The following UBR4 variants were observed in gnomAD, a reference collection of about 807,000 sequenced individuals.
UBR4 encodes the protein E3 ubiquitin-protein ligase UBR4.
In UBR4, 124 loss-of-function variants were observed where a neutral mutation model predicts 575.6. The observed-to-expected ratio is 0.22, with a 90% CI of 0.19 to 0.25. The LOEUF is 0.25. UBR4 is among the 10% of genes least tolerant of loss of function. UBR4 has a pLI of 1.00. For missense variants in UBR4, 4,818 were observed against 6,478.8 expected, an observed-to-expected ratio of 0.74 and a Z score of 8.80; for synonymous variants, 2,455 against 2,473.7, an observed-to-expected ratio of 0.99 and a Z score of 0.22.
Position 19,192,513 on chromosome 1 carries a change from C to T in UBR4, c.1171G>A (p.Ala391Thr), listed in dbSNP as rs1451389536. ...CLEIYDMIGQAISSSRRAGGE... is the reference protein window; with the variant it reads ...CLEIYDMIGQTISSSRRAGGE... ...CCAGCCCGGCGAGAACTGCTGATTG[C>T]TTGTCCAATCATGTCATAGATTTCG... is the stretch of plus-strand genomic sequence containing the variant. Residue 391 changes from alanine (A) to threonine (T), a missense_variant, in exon 10 of 106, where the codon GCA becomes ACA. Transcript: ENST00000375254. 3 of 1,613,984 alleles carry T rather than the reference C, an allele frequency of 1.9e-6. No individual in the cohort carries two copies. Among genetic ancestry groups the T allele is most frequent in the African/African-American group, 2.7e-5 (2 of 74,922 alleles).
At chr1:19,148,282 A>T (rs555935335) in intron 50 of UBR4, among the ~76,000 whole-genome samples, 155 bp from the exon 51 acceptor site, 137 of 152,252 alleles carry the variant, frequency 9.0e-4, no homozygotes, top group African/African-American at 3.2e-3. Flanking sequence ...TTCAGAAATT[A>T]TAATCCTCCT....
At chr1:19,207,163 G>C (rs1304016196) in intron 1 of UBR4, among the ~76,000 whole-genome samples, 2 of 152,204 alleles carry the variant, frequency 1.3e-5, no homozygotes, top group Non-Finnish European at 2.9e-5. Flanking sequence ...GCAGAAGATG[G>C]GAGTGGCAAC....
intron 11 of UBR4, among the ~76,000 whole-genome samples, chr1:19,191,582 G>T (rs763219172): frequency 1.6e-4 from 24 of 152,214 alleles, no homozygotes; most frequent in African/African-American, 4.1e-4. Context: ...TAATAGATTT[G>T]TTCATTGTTT....
At chr1:19,162,741 GT>G in intron 34 of UBR4, 130 bp from the exon 35 acceptor site, 2 of 1,170,324 alleles carry the variant, frequency 1.7e-6, no homozygotes, top group Non-Finnish European at 2.3e-6. Context: ...AAAACAGTGT[GT>G]TTTTATTTAT....
At chr1:19,115,840 T>C (rs2080456475) in intron 73 of UBR4, among the ~76,000 whole-genome samples, 1 of 152,210 alleles carries the variant, frequency 6.6e-6, no homozygotes, top group Non-Finnish European at 1.5e-5. Flanking sequence ...GGAAAGAACA[T>C]ACAAGTGCTT....
chr1:19,091,708 G>GAAATGTA (rs916356613), intron 97 of UBR4, among the ~76,000 whole-genome samples: 1 of 152,220 alleles, frequency 6.6e-6, no homozygotes, highest in African/African-American at 2.4e-5. Context: ...CATTTCCGGT[G>GAAATGTA]AAATGTAAAA....
chr1:19,114,304 T>C lies in UBR4; in HGVS notation c.11203-234A>G, dbSNP rs148939303. On this transcript the variant is annotated intron_variant, in intron 75 of 105. Coordinates refer to ENST00000375254, the MANE Select transcript of UBR4 (RefSeq NM_020765.3). ...ATACAATGCTGAGAGAAGTAACTTA[T>C]ACTAGGTTACACAAGTATTAAAAGT... 8.5e-3 allele frequency among the ~76,000 whole-genome samples: 1,290 copies of C among 152,368 alleles called. 13 individuals are homozygous for C. Among genetic ancestry groups the C allele is most frequent in the African/African-American group, 0.029 (1,224 of 41,584 alleles).
In UBR4 at chr1:19,190,312, A is replaced by AAT. The variant is rs1553226959; in HGVS notation, c.1394+1874_1394+1875dup. Among the ~76,000 whole-genome samples, 384 of 79,844 alleles carry AAT rather than the reference A, an allele frequency of 4.8e-3. 4 individuals are homozygous for AAT. Among genetic ancestry groups the AAT allele is most frequent in the South Asian group, 0.01 (24 of 2,396 alleles). The allele number at this position is 79,844 out of a possible 152,430, so 52.4% of individuals were successfully genotyped here. On this transcript the variant is annotated intron_variant, in intron 11 of 105. Transcript: ENST00000375254. ...TGCCTCAAAAAAAAAAAAAAAAAAA[A>AAT]ATATATATATATATATATTTGTATG... is the stretch of plus-strand genomic sequence containing the variant.
chr1:19,189,933 G>C (rs1213264475), intron 11 of UBR4, among the ~76,000 whole-genome samples: 10 of 151,910 alleles, frequency 6.6e-5, no homozygotes, highest in African/African-American at 2.4e-5. Context: ...AATTCCTTGG[G>C]GAAGCCTGCT....
chr1:19,170,685 C>A, intron 26 of UBR4, 77 bp downstream of exon 26: 1 of 1,595,758 alleles, frequency 6.3e-7, no homozygotes, highest in Non-Finnish European at 8.6e-7. Context: ...CCAGTAGGCA[C>A]CAAGGGAGAG....
At position 19,165,733 on chromosome 1, in the gene UBR4, C is replaced by T; in HGVS notation, c.4134G>A (p.Glu1378=). ...GCTTTTCCAAGTACTGGAGACATTC[C>T]TCCAGGATGGATTCATCCAGTCCAC... ...PNSGLDESIL[E]ECLQYLEKQL... is the part of the protein sequence containing the mutation. Residue 1378 remains glutamate, a synonymous_variant, in exon 30 of 106, where the codon GAG becomes GAA. Transcript: ENST00000375254. 1 of 1,614,122 alleles carries T rather than the reference C, an allele frequency of 6.2e-7. No homozygotes were observed. The highest frequency in any genetic ancestry group is 8.5e-7 in the Non-Finnish European group (1 of 1,180,008).
intron 97 of UBR4, among the ~76,000 whole-genome samples, chr1:19,092,137 C>G (rs547039766): frequency 4.6e-5 from 7 of 152,142 alleles, no homozygotes; most frequent in Middle Eastern, 6.8e-3. Flanking sequence ...AAAAGGCCAA[C>G]AAGAGGGACC....
intron 1 of UBR4, among the ~76,000 whole-genome samples, chr1:19,207,016 G>C (rs866820789): frequency 5.9e-5 from 9 of 152,342 alleles, no homozygotes; most frequent in South Asian, 2.1e-4. Flanking sequence ...CAGGTCGAAA[G>C]TAAGAGTTGG....
chr1:19,178,705 C>T (rs558048501), intron 18 of UBR4, among the ~76,000 whole-genome samples: 3 of 152,170 alleles, frequency 2.0e-5, no homozygotes, highest in Non-Finnish European at 2.9e-5. Flanking sequence ...GCAAGTGCCC[C>T]TAAGTGGTTT....
rs143101381 is a variant in UBR4, at chr1:19,168,064, G to A, written c.3862C>T (p.Leu1288Phe). The A allele has an allele frequency of 1.3e-5, 21 of 1,613,742 alleles. No homozygotes were observed. Among genetic ancestry groups the A allele is most frequent in the Non-Finnish European group, 1.8e-5 (21 of 1,179,712 alleles). ...LPLAASLKHTLLSLVRLTGDL... is the reference protein window; with the variant it reads ...LPLAASLKHTFLSLVRLTGDL... Reference sequence around the variant, plus strand: ...CCAGTCAACCTGACCAGTGAGAGGAGGGTATGCTTCAGGGAAGCAGCCAGG... The same window carrying A: ...CCAGTCAACCTGACCAGTGAGAGGAAGGTATGCTTCAGGGAAGCAGCCAGG... The change falls in exon 28 of 106, where the codon CTC (leucine) becomes TTC (phenylalanine). Residue 1288 changes from leucine (L) to phenylalanine (F), a missense_variant. Coordinates refer to ENST00000375254, the MANE Select transcript of UBR4 (RefSeq NM_020765.3).
At chr1:19,147,329 G>A (rs554099633) in intron 51 of UBR4, among the ~76,000 whole-genome samples, 23 of 152,250 alleles carry the variant, frequency 1.5e-4, no homozygotes, top group Non-Finnish European at 2.6e-4. Context: ...TATTACCCAA[G>A]GACAGTGTTT....
chr1:19,174,980 C>T lies in UBR4; in HGVS notation c.2827G>A (p.Asp943Asn), dbSNP rs148443417. 6.8e-6 allele frequency: 11 copies of T among 1,614,000 alleles called. No individual in the cohort carries two copies. The highest frequency in any genetic ancestry group is 8.5e-6 in the Non-Finnish European group (10 of 1,179,924). The change falls in exon 21 of 106, where the codon GAT becomes AAT. Residue 943 changes from aspartate (D) to asparagine (N), a missense_variant. Physicochemically the swap from Asp to Asn is conservative, Grantham distance 23 (BLOSUM62 1). Transcript: ENST00000375254. Reference protein sequence around the residue: ...YCVLSPEASEDDLNRLDSVAC... With the variant: ...YCVLSPEASENDLNRLDSVAC... The stretch of plus-strand genomic sequence containing the variant: ...ACAGAATCAAGTCGGTTCAAATCAT[C>T]CTCTGAGGCTTCTGGGGACAGGACA...
chr1:19,195,152 C>G (rs1339252484), intron 8 of UBR4, among the ~76,000 whole-genome samples: 1 of 151,126 alleles, frequency 6.6e-6, no homozygotes, highest in Non-Finnish European at 1.5e-5. Context: ...GTGGTCCCAG[C>G]TACAAGGGAG....
chr1:19,127,747 C>T lies in UBR4; in HGVS notation c.9112-8G>A. ...ATTCTTCTTGGAGACATCCTGCAGG[C>T]CAAAGCGTAAGTCCAGAAACCTCTA... On this transcript the variant is annotated splice_polypyrimidine_tract_variant and splice_region_variant and intron_variant, in intron 62 of 105. Transcript: ENST00000375254. 6.2e-7 allele frequency: 1 copy of T among 1,612,086 alleles called. No homozygotes were observed. Among genetic ancestry groups the T allele is most frequent in the East Asian group, 2.2e-5 (1 of 44,858 alleles).
Sources: allele counts gnomAD v4.1 joint callset (sites outside exome capture counted in the v4.1 genomes callset), GRCh38; gene constraint gnomAD v4.1.1; transcripts MANE v1.5; gene names NCBI Gene and HGNC (gene_info 2026-07-23, HGNC 2026-07-21).